RAPGEF1: variants seen among roughly 807,000 people sequenced by gnomAD.
The protein encoded by RAPGEF1 is Rap guanine nucleotide exchange factor 1.
In RAPGEF1, 33 loss-of-function variants were observed where a neutral mutation model predicts 143.3. The ratio of observed to expected loss-of-function variants is 0.23; its 90% confidence interval spans 0.17 to 0.31. The LOEUF (loss-of-function observed/expected upper bound fraction) is 0.31, where lower values mean the gene tolerates loss of function less well. Among genes scored for constraint, RAPGEF1 ranks in the 10% least tolerant of loss-of-function variants. The probability of loss-of-function intolerance (pLI) is 1.00; values close to 1 mark genes in which losing one functional copy is unlikely to be tolerated. For missense variants in RAPGEF1, 1,199 were observed against 1,645.4 expected, an observed-to-expected ratio of 0.73 and a Z score of 4.69; for synonymous variants, 629 against 676.5, an observed-to-expected ratio of 0.93 and a Z score of 1.09.
intron 4 of RAPGEF1, among the ~76,000 whole-genome samples, chr9:131,640,558 C>G (rs951650334): frequency 2.0e-5 from 3 of 152,144 alleles, no homozygotes; most frequent in African/African-American, 7.2e-5. Flanking sequence ...GCTGCTGGCT[C>G]AGTTCCACAA....
In RAPGEF1 at chr9:131,626,273, G is replaced by A. The variant is rs2132978104; in HGVS notation, c.1351C>T (p.Leu451Phe). Residue 451 changes from leucine to phenylalanine, a missense_variant, in exon 10 of 27, where the codon CTT becomes TTT. Transcript: ENST00000683357. ...CCGTCTGGCTGGGGATGGCCGCCAA[G>A]AGGCAGCTGGAAAGGAGGGCCAAGA... ...PFLGPPFQLPLGGHPQPDGPL... is the reference protein window; with the variant it reads ...PFLGPPFQLPFGGHPQPDGPL... 1.2e-6 allele frequency: 2 copies of A among 1,614,016 alleles called. No individual in the cohort carries two copies. The highest frequency in any genetic ancestry group is 8.5e-7 in the Non-Finnish European group (1 of 1,179,880).
intron 1 of RAPGEF1, among the ~76,000 whole-genome samples, chr9:131,672,534 C>A (rs150228242): frequency 6.6e-6 from 1 of 152,294 alleles, no homozygotes; most frequent in East Asian, 1.9e-4. Context: ...CCCTGCAGTG[C>A]TGGAGTGTGA....
chr9:131,710,120 G>T (rs1195168039), intron 1 of RAPGEF1, among the ~76,000 whole-genome samples: 2 of 152,086 alleles, frequency 1.3e-5, no homozygotes, highest in African/African-American at 4.8e-5. Context: ...AACCATTCTG[G>T]GGCATGCCAG....
intron 5 of RAPGEF1, 48 bp downstream of exon 5, chr9:131,638,587 G>A: frequency 6.2e-7 from 1 of 1,601,492 alleles, no homozygotes. Context: ...CCAGCAGGCA[G>A]GCTGCTCTAA....
intron 17 of RAPGEF1, among the ~76,000 whole-genome samples, chr9:131,594,549 C>A (rs1017150833): frequency 3.3e-5 from 5 of 152,218 alleles, no homozygotes; most frequent in Non-Finnish European, 7.3e-5. Flanking sequence ...CCCAGCTGCT[C>A]GTGATGCTGG....
chr9:131,622,400 A>G (rs1431958434), intron 10 of RAPGEF1, among the ~76,000 whole-genome samples: 1 of 152,180 alleles, frequency 6.6e-6, no homozygotes, highest in African/African-American at 2.4e-5. Context: ...CTGCAGTGCT[A>G]AATTTTGTAT....
chr9:131,668,718 T>C (rs1472561308), intron 1 of RAPGEF1, among the ~76,000 whole-genome samples: 3 of 152,212 alleles, frequency 2.0e-5, no homozygotes, highest in South Asian at 2.1e-4. Context: ...ACAGACTTCA[T>C]AGGCTTCCTG....
rs1292812621 is a variant in RAPGEF1 at position 131,675,393 on chromosome 9, C to T, written c.62-24444G>A. Among the ~76,000 whole-genome samples the T allele has an allele frequency of 1.3e-5, 2 of 152,126 alleles. No individual in the cohort carries two copies. The highest frequency in any genetic ancestry group is 2.9e-5 in the Non-Finnish European group (2 of 68,024). The stretch of plus-strand genomic sequence containing the variant: ...GAGCCCGGCAGCTTCCTGCGGGTGC[C>T]GGGACGTGCCGTCCACAGGGTTCAC... On this transcript the variant is annotated intron_variant, in intron 1 of 26. Coordinates refer to ENST00000683357, the MANE Select transcript of RAPGEF1 (RefSeq NM_001377935.1). This position sits in a 1 kb window ranked among gnomAD's most constrained non-coding sequence, Gnocchi z 4.6.
At chr9:131,725,610 C>T (rs972816454) in intron 1 of RAPGEF1, 1 of 152,292 alleles carries the variant, frequency 6.6e-6, no homozygotes, top group African/African-American at 2.4e-5. Flanking sequence ...AGGCACGCAC[C>T]ACTGCACCCA....
chr9:131,605,030 T>C lies in RAPGEF1; in HGVS notation c.2220A>G (p.Pro740=), dbSNP rs1247651657. 7 of 1,361,058 alleles carry C rather than the reference T, an allele frequency of 5.1e-6. No homozygotes were observed. The South Asian group carries it at 6.9e-5, about 13-fold the overall frequency. The allele number at this position is 1,361,058 out of a possible 1,614,324, so 84.3% of individuals were successfully genotyped here. A position where few individuals can be genotyped will look rare whatever the true frequency, so the allele number is the denominator to read the frequency against. The change falls in exon 13 of 27, where the codon CCA becomes CCG. Residue 740 remains proline, a synonymous_variant. Coordinates refer to ENST00000683357, the MANE Select transcript of RAPGEF1 (RefSeq NM_001377935.1). ...GAGGCCCGTCCACGGTGCTGGGAGG[T>C]GGACCGGCCATGGTTGGCACGGCTA... The part of the protein sequence containing the change: ...SDLAVPTMAG[P]PPSTVDGPLS...
chr9:131,647,030 A>G (rs1969843084), intron 3 of RAPGEF1, among the ~76,000 whole-genome samples: 1 of 151,936 alleles, frequency 6.6e-6, no homozygotes, highest in Admixed American at 6.6e-5. Context: ...GGGCATTAAC[A>G]CCTCCCAGGA....
chr9:131,657,345 T>C (rs897283699), intron 1 of RAPGEF1, among the ~76,000 whole-genome samples: 2 of 152,216 alleles, frequency 1.3e-5, no homozygotes, highest in African/African-American at 4.8e-5. Flanking sequence ...CCCACATGAC[T>C]GCTGCGTCGC....
chr9:131,596,373 C>T lies in RAPGEF1; in HGVS notation c.2614G>A (p.Gly872Ser). Residue 872 changes from glycine to serine, a missense_variant and splice_region_variant, in exon 17 of 27, where the codon GGT becomes AGT. Physicochemically the swap from Gly to Ser is moderately conservative, Grantham distance 56 (BLOSUM62 0). Coordinates refer to ENST00000683357, the MANE Select transcript of RAPGEF1 (RefSeq NM_001377935.1). ...CCGCGGACGTCCGGCCCGTCATCAC[C>T]CTGTAATGAACACAGCCAAGGAAGG... ...IMSRLTLKQE[G>S]DDGPDVRGGS... 1 of 1,613,912 alleles carries T rather than the reference C, an allele frequency of 6.2e-7. No individual in the cohort carries two copies. The highest frequency in any genetic ancestry group is 1.1e-5 in the South Asian group (1 of 91,066).
At chr9:131,652,997 G>T (rs532931880) in intron 1 of RAPGEF1, among the ~76,000 whole-genome samples, 7 of 152,108 alleles carry the variant, frequency 4.6e-5, no homozygotes, top group Non-Finnish European at 1.0e-4. Context: ...TATCTTATGG[G>T]ACCATAAGAT....
At chr9:131,633,935 G>C (rs1188558992) in intron 5 of RAPGEF1, among the ~76,000 whole-genome samples, 2 of 152,200 alleles carry the variant, frequency 1.3e-5, no homozygotes, top group African/African-American at 4.8e-5. Context: ...AGGGATGTCA[G>C]ACTTTTTAAT....
Position 131,587,461 on chromosome 9 carries a change from C to A in RAPGEF1, c.3233+275G>T, listed in dbSNP as rs578225074. Among the ~76,000 whole-genome samples the A allele has an allele frequency of 3.9e-5, 6 of 152,368 alleles. 1 individual carries two copies. Among genetic ancestry groups the A allele is most frequent in the Admixed American group, 1.3e-4 (2 of 15,306 alleles). ...CCAGGGCAGGAGGGCAAACTCACGC[C>A]CTTCCCAACACCACCTATGGCAGAC... On this transcript the variant is annotated intron_variant, in intron 22 of 26. Coordinates refer to ENST00000683357, the MANE Select transcript of RAPGEF1 (RefSeq NM_001377935.1).
At chr9:131,702,552 G>T (rs1366231284) in intron 1 of RAPGEF1, among the ~76,000 whole-genome samples, 1 of 152,170 alleles carries the variant, frequency 6.6e-6, no homozygotes, top group Admixed American at 6.5e-5. Flanking sequence ...CAAGAGGAAC[G>T]ATTTCAAAAT....
intron 1 of RAPGEF1, among the ~76,000 whole-genome samples, chr9:131,730,829 A>C (rs1009439110): frequency 5.9e-5 from 9 of 152,024 alleles, no homozygotes; most frequent in Non-Finnish European, 7.4e-5. Flanking sequence ...ACGGTCACCC[A>C]GCCAGAAGCA....
At chr9:131,717,628 C>T (rs541159822) in intron 1 of RAPGEF1, among the ~76,000 whole-genome samples, 7 of 152,112 alleles carry the variant, frequency 4.6e-5, no homozygotes, top group African/African-American at 7.2e-5. Flanking sequence ...AAGATATTAG[C>T]GAGGCATGGT....
Sources: gnomAD v4.1 joint callset for allele counts (sites outside exome capture counted in the v4.1 genomes callset) on GRCh38, gnomAD v4.1.1 for gene constraint, Gnocchi (gnomAD v3.1) non-coding constraint, MANE v1.5 for transcripts, NCBI Gene and HGNC (gene_info 2026-07-23, HGNC 2026-07-21) for gene names.